The following CNOT10 variants were observed in gnomAD, a reference collection of about 807,000 sequenced individuals.
The protein encoded by CNOT10 is CCR4-NOT transcription complex, subunit 10.
In CNOT10, 30 loss-of-function variants were observed where a neutral mutation model predicts 94.6. The observed-to-expected ratio is 0.32, with a 90% CI of 0.24 to 0.43. The LOEUF (loss-of-function observed/expected upper bound fraction) is 0.43, where lower values mean the gene tolerates loss of function less well. Ranked by LOEUF, CNOT10 falls within the 20% of genes least tolerant of loss-of-function variation. The pLI is 1.00. For synonymous variants in CNOT10, 289 were observed against 301.6 expected, an observed-to-expected ratio of 0.96 and a Z score of 0.43; for missense variants, 759 against 877.2, an observed-to-expected ratio of 0.87 and a Z score of 1.70.
At chr3:32,707,270 T>A (rs1697664544) in intron 3 of CNOT10, among the ~76,000 whole-genome samples, 1 of 152,024 alleles carries the variant, frequency 6.6e-6, no homozygotes, top group Non-Finnish European at 1.5e-5. Flanking sequence ...ATGCAAAGTG[T>A]CATGCTTTTT....
intron 7 of CNOT10, among the ~76,000 whole-genome samples, chr3:32,719,372 A>G (rs1698270235): frequency 6.6e-6 from 1 of 152,214 alleles, no homozygotes; most frequent in African/African-American, 2.4e-5. Flanking sequence ...GTGATCCGAG[A>G]TCATGCCACT....
At chr3:32,770,896 T>G (rs1416088590) in intron 18 of CNOT10, among the ~76,000 whole-genome samples, 1 of 151,846 alleles carries the variant, frequency 6.6e-6, no homozygotes, top group African/African-American at 2.4e-5. Flanking sequence ...GTATTTTTAG[T>G]AGAGACCGGG....
chr3:32,691,558 C>T (rs1696850730), intron 1 of CNOT10, among the ~76,000 whole-genome samples: 1 of 152,142 alleles, frequency 6.6e-6, no homozygotes. Flanking sequence ...CTGCCCGCCT[C>T]GGCCTCCCAA....
chr3:32,719,171 C>T (rs1218533062), intron 7 of CNOT10, among the ~76,000 whole-genome samples: 6 of 152,192 alleles, frequency 3.9e-5, no homozygotes, highest in African/African-American at 1.2e-4. Flanking sequence ...ATTGCTTGAA[C>T]CCGGGAGGCG....
intron 7 of CNOT10, among the ~76,000 whole-genome samples, chr3:32,718,258 CT>C (rs376879885): frequency 0.028 from 3,267 of 117,012 alleles, 44 homozygotes; most frequent in South Asian, 0.043. Flanking sequence ...CATTATCAAA[CT>C]TTTTTTTTTT....
chr3:32,754,489 A>AATATATATATAT (rs1553637888), intron 13 of CNOT10, among the ~76,000 whole-genome samples: 2 of 70,220 alleles, frequency 2.8e-5, no homozygotes, highest in Non-Finnish European at 4.5e-5. Context: ...AAAAAAAAAA[A>AATATATATATAT]ATACATATAT....
rs919758518 is a variant in CNOT10, at chr3:32,685,470, G to A, written c.10G>A (p.Asp4Asn). The change falls in exon 1 of 19, where the codon GAC (aspartate) becomes AAC (asparagine). Residue 4 changes from aspartate to asparagine, a missense_variant. By Grantham distance (23) the Asp-to-Asn change is conservative (BLOSUM62 1). Coordinates refer to ENST00000328834, the MANE Select transcript of CNOT10 (RefSeq NM_015442.3). ...GAGTCGAAGCGGGAAGATGGCTGCAGACAAGCCTGCAGGTAGGGCGCCAAT... is the reference window on the plus strand; with the variant it reads ...GAGTCGAAGCGGGAAGATGGCTGCAAACAAGCCTGCAGGTAGGGCGCCAAT... MAA[D>N]KPADQGAEKH... The A allele has an allele frequency of 5.8e-6, 9 of 1,550,216 alleles. No homozygotes were observed. The African/African-American group carries it at 1.1e-4, about 19-fold the overall frequency.
chr3:32,699,885 G>C (rs1697252788), intron 1 of CNOT10, among the ~76,000 whole-genome samples: 1 of 152,054 alleles, frequency 6.6e-6, no homozygotes, highest in Non-Finnish European at 1.5e-5. Context: ...TTGGGGACAA[G>C]GTGGTCTACT....
At chr3:32,700,512 A>G (rs901125143) in intron 1 of CNOT10, among the ~76,000 whole-genome samples, 1 of 152,228 alleles carries the variant, frequency 6.6e-6, no homozygotes, top group Non-Finnish European at 1.5e-5. Flanking sequence ...GTTGAAAATG[A>G]TAGAATCTGC....
intron 1 of CNOT10, among the ~76,000 whole-genome samples, chr3:32,702,183 C>T (rs759296515): frequency 2.6e-5 from 4 of 151,678 alleles, no homozygotes; most frequent in Non-Finnish European, 4.4e-5. Flanking sequence ...GCAACCTCTG[C>T]CTCCCAGGTT....
chr3:32,727,125 G>A (rs931043330), intron 9 of CNOT10, among the ~76,000 whole-genome samples: 6 of 151,854 alleles, frequency 4.0e-5, no homozygotes, highest in African/African-American at 1.5e-4. Context: ...GATTACAGGC[G>A]TGAGCCACTG....
chr3:32,728,929 G>A (rs1443223110), intron 10 of CNOT10, among the ~76,000 whole-genome samples: 1 of 152,068 alleles, frequency 6.6e-6, no homozygotes, highest in Non-Finnish European at 1.5e-5. Context: ...TGAAACCCCC[G>A]TCTCTACTAA....
rs61077906 is a variant in CNOT10 at position 32,749,405 on chromosome 3, ATT to A, written c.1596-10033_1596-10032del. On this transcript the variant is annotated intron_variant, in intron 13 of 18. Transcript: ENST00000328834. ...TAGGTCTTTGATCCATGTTGAGTTA[ATT>A]TTTTTTTTTTTTTTTTTTTGAGACT... 8.4e-3 allele frequency among the ~76,000 whole-genome samples: 806 copies of A among 96,250 alleles called. 2 individuals carry two copies. The highest frequency in any genetic ancestry group is 7.7e-3 in the African/African-American group (185 of 24,036). The allele number at this position is 96,250 out of a possible 152,430, so 63.1% of individuals were successfully genotyped here.
At chr3:32,746,114 A>T (rs1025332173) in intron 13 of CNOT10, among the ~76,000 whole-genome samples, 1 of 152,208 alleles carries the variant, frequency 6.6e-6, no homozygotes, top group Admixed American at 6.5e-5. Context: ...TTTATATGAC[A>T]AACAAAACTT....
chr3:32,759,969 T>C (rs1553638706), intron 14 of CNOT10, among the ~76,000 whole-genome samples: 2 of 150,786 alleles, frequency 1.3e-5, no homozygotes, highest in Non-Finnish European at 1.5e-5. Flanking sequence ...AATCACGAGG[T>C]CAGGAGTTCA....
chr3:32,741,186 G>A (rs1205124244), intron 13 of CNOT10, among the ~76,000 whole-genome samples: 1 of 152,024 alleles, frequency 6.6e-6, no homozygotes, highest in Non-Finnish European at 1.5e-5. Context: ...AACCTTTTGG[G>A]ATTGATTTTT....
intron 18 of CNOT10, among the ~76,000 whole-genome samples, chr3:32,772,867 T>C (rs1370999411): frequency 6.6e-6 from 1 of 151,998 alleles, no homozygotes; most frequent in Non-Finnish European, 1.5e-5. Flanking sequence ...ATTGTTTCAT[T>C]GTTTTTTGTT....
chr3:32,751,221 G>T (rs375205649), intron 13 of CNOT10, among the ~76,000 whole-genome samples: 1 of 151,972 alleles, frequency 6.6e-6, no homozygotes. Context: ...CCACCTCTGC[G>T]TCCCAAGTAG....
intron 1 of CNOT10, among the ~76,000 whole-genome samples, chr3:32,688,641 C>G (rs1696725658): frequency 6.6e-6 from 1 of 151,986 alleles, no homozygotes. Flanking sequence ...GTAAGAGAGG[C>G]TGTCTGCAGT....
Sources: gnomAD v4.1 joint callset for allele counts (sites outside exome capture counted in the v4.1 genomes callset) on GRCh38, gnomAD v4.1.1 for gene constraint, MANE v1.5 for transcripts, NCBI Gene and HGNC (gene_info 2026-07-23, HGNC 2026-07-21) for gene names.